GOPC: variants seen among roughly 807,000 people sequenced by gnomAD.
GOPC encodes Golgi-associated PDZ and coiled-coil motif-containing protein.
A neutral mutation model predicts 51.2 loss-of-function variants in GOPC; 32 were observed. That is an observed-to-expected ratio of 0.63 (90% CI 0.47 to 0.84). The LOEUF (loss-of-function observed/expected upper bound fraction) is 0.84. GOPC is among the 40% of genes least tolerant of loss of function. GOPC has a pLI of 0.00. For synonymous variants in GOPC, 190 were observed against 205.1 expected, an observed-to-expected ratio of 0.93 and a Z score of 0.63; for missense variants, 441 against 555.5, an observed-to-expected ratio of 0.79 and a Z score of 2.07.
rs1273934167 is a variant in GOPC, at chr6:117,560,894, T to A, written c.*2360A>T. On this transcript the variant is annotated 3_prime_UTR_variant, in exon 9 of 9. Transcript: ENST00000368498. Reference sequence around the variant, plus strand: ...CCTCCTTACTTGTTTGGTTTTGTCCTAGAAGTTTCAGGGACATATGAATTT... The same window carrying A: ...CCTCCTTACTTGTTTGGTTTTGTCCAAGAAGTTTCAGGGACATATGAATTT... The A allele has an allele frequency of 4.7e-6, 1 of 213,520 alleles. No homozygotes were observed. Among genetic ancestry groups the A allele is most frequent in the African/African-American group, 2.3e-5 (1 of 44,242 alleles). 13.2% of individuals were successfully genotyped at this position (213,520 alleles called of 1,614,324 possible).
intron 1 of GOPC, among the ~76,000 whole-genome samples, chr6:117,594,868 C>G: frequency 6.6e-6 from 1 of 152,204 alleles, no homozygotes; most frequent in East Asian, 1.9e-4. Context: ...AGGCAGAACA[C>G]TCTTTCAAGG....
intron 1 of GOPC, among the ~76,000 whole-genome samples, chr6:117,597,367 T>A (rs2114630799): frequency 6.6e-6 from 1 of 152,330 alleles, no homozygotes; most frequent in Non-Finnish European, 1.5e-5. Flanking sequence ...ACCATTTGGA[T>A]GTCCTTTATT....
chr6:117,583,247 G>T (rs1449787147), intron 1 of GOPC, among the ~76,000 whole-genome samples: 1 of 152,204 alleles, frequency 6.6e-6, no homozygotes, highest in African/African-American at 2.4e-5. Context: ...AGTTGAGCAG[G>T]GTGGGCTGAG....
intron 7 of GOPC, among the ~76,000 whole-genome samples, chr6:117,567,292 C>G (rs927913561): frequency 6.6e-6 from 1 of 152,040 alleles, no homozygotes; most frequent in South Asian, 2.1e-4. Flanking sequence ...GCTAATAGAT[C>G]TAAAATTTAA....
chr6:117,573,739 G>T, intron 4 of GOPC, 107 bp from the exon 5 acceptor site: 9 of 873,198 alleles, frequency 1.0e-5, no homozygotes, highest in Non-Finnish European at 1.6e-5. Context: ...TCAAATTAGT[G>T]ATAAAACTAA....
intron 4 of GOPC, among the ~76,000 whole-genome samples, chr6:117,574,851 T>C (rs1338633175): frequency 1.3e-5 from 2 of 152,032 alleles, no homozygotes; most frequent in Non-Finnish European, 2.9e-5. Context: ...GAGGCCAAGG[T>C]GGATGGATCA....
At chr6:117,590,230 G>A (rs1780096254) in intron 1 of GOPC, among the ~76,000 whole-genome samples, 2 of 152,156 alleles carry the variant, frequency 1.3e-5, no homozygotes, top group South Asian at 4.1e-4. Context: ...GGGACAAAAA[G>A]ATGAATAAGA....
At chr6:117,594,828 G>A (rs1377663768) in intron 1 of GOPC, among the ~76,000 whole-genome samples, 2 of 152,134 alleles carry the variant, frequency 1.3e-5, no homozygotes, top group Admixed American at 6.5e-5. Flanking sequence ...AAGGTGTATT[G>A]TTGTGCTGTT....
Position 117,560,723 on chromosome 6 carries a change from A to T in GOPC, c.*2531T>A, listed in dbSNP as rs911464992. The T allele has an allele frequency of 9.9e-6, 2 of 201,976 alleles. No homozygotes were observed. Among genetic ancestry groups the T allele is most frequent in the African/African-American group, 4.6e-5 (2 of 43,604 alleles). The allele number at this position is 201,976 out of a possible 1,614,324, so 12.5% of individuals were successfully genotyped here. On this transcript the variant is annotated 3_prime_UTR_variant, in exon 9 of 9. Transcript: ENST00000368498. ...CATAACAGAGATACTGTAGAAGAGAATTTTAGAGGTTAAGTGTAAATATAT... is the reference window on the plus strand; with the variant it reads ...CATAACAGAGATACTGTAGAAGAGATTTTTAGAGGTTAAGTGTAAATATAT...
chr6:117,579,849 A>G (rs1300215909), intron 1 of GOPC, among the ~76,000 whole-genome samples: 2 of 152,094 alleles, frequency 1.3e-5, no homozygotes, highest in South Asian at 2.1e-4. Context: ...AATGAGAAAA[A>G]AAATTGTAGA....
intron 8 of GOPC, among the ~76,000 whole-genome samples, chr6:117,566,050 T>C (rs537126786): frequency 1.3e-4 from 20 of 152,252 alleles, no homozygotes; most frequent in African/African-American, 4.3e-4. Context: ...TTAAGCAAAA[T>C]TGGTATCTTC....
chr6:117,579,536 AAG>A lies in GOPC; in HGVS notation c.286-474_286-473del, dbSNP rs1311191460. Among the ~76,000 whole-genome samples, 168 of 152,158 alleles carry A rather than the reference AAG, an allele frequency of 1.1e-3. 2 individuals are homozygous for A. The East Asian group carries it at 0.027, about 24-fold the overall frequency. On this transcript the variant is annotated intron_variant, in intron 1 of 8. Coordinates refer to ENST00000368498, the MANE Select transcript of GOPC (RefSeq NM_020399.4). ...AAATCATCCCAATCATTATCTAGTAAAGTTATTTTAGGTGCTAAGGTATCAAC... is the reference window on the plus strand; with the variant it reads ...AAATCATCCCAATCATTATCTAGTAATTATTTTAGGTGCTAAGGTATCAAC...
chr6:117,599,104 T>C, intron 1 of GOPC, among the ~76,000 whole-genome samples: 2 of 152,256 alleles, frequency 1.3e-5, no homozygotes, highest in Admixed American at 1.3e-4. Flanking sequence ...CAGCAAAATT[T>C]AATATTTTAA....
rs1245736374 is a variant in GOPC, at chr6:117,569,587, A to G, written c.1062T>C (p.Thr354=). ...LRDTKHKEAV[T]ILSQQRGEIE... is the part of the protein sequence containing the mutation. ...GGGAATTTACCTGCTGAGAAAGAATAGTTACAGCTTCTTTATGCTTTGTGT... is the reference window on the plus strand; with the variant it reads ...GGGAATTTACCTGCTGAGAAAGAATGGTTACAGCTTCTTTATGCTTTGTGT... The change falls in exon 7 of 9, where the codon ACT becomes ACC. Residue 354 remains threonine (T), a synonymous_variant. Coordinates refer to ENST00000368498, the MANE Select transcript of GOPC (RefSeq NM_020399.4). The G allele has an allele frequency of 6.2e-7, 1 of 1,613,016 alleles. No individual in the cohort carries two copies. The highest frequency in any genetic ancestry group is 1.1e-5 in the South Asian group (1 of 90,782).
In GOPC at chr6:117,566,872, C is replaced by G. The variant is rs1779707474; in HGVS notation, c.1240G>C (p.Glu414Gln). ...TTTTTACCTTGTAATACTTTGATTT[C>G]CCCACTTGTGTCTTTGCAACTAGCA... The part of the protein sequence containing the change: ...PGASCKDTSG[E>Q]IKVLQGFNKK... The change falls in exon 8 of 9, where the codon GAA becomes CAA. Residue 414 changes from glutamate (E) to glutamine (Q), a missense_variant. Physicochemically the swap from Glu to Gln is conservative, Grantham distance 29. Coordinates refer to ENST00000368498, the MANE Select transcript of GOPC (RefSeq NM_020399.4). 12 of 1,577,450 alleles carry G rather than the reference C, an allele frequency of 7.6e-6. No homozygotes were observed. Among genetic ancestry groups the G allele is most frequent in the Non-Finnish European group, 1.0e-5 (12 of 1,165,796 alleles).
intron 3 of GOPC, chr6:117,575,643 T>C (rs925624587): frequency 1.4e-5 from 7 of 518,348 alleles, no homozygotes; most frequent in Non-Finnish European, 2.5e-5. Flanking sequence ...CAATGGATAG[T>C]TGAATCTGCT....
At chr6:117,591,582 ATGAG>A (rs1459568037) in intron 1 of GOPC, among the ~76,000 whole-genome samples, 1 of 152,178 alleles carries the variant, frequency 6.6e-6, no homozygotes, top group Non-Finnish European at 1.5e-5. Flanking sequence ...GTCTTGAAAG[ATGAG>A]TGTGTGTTTG....
intron 1 of GOPC, among the ~76,000 whole-genome samples, chr6:117,589,185 A>C (rs1780078074): frequency 6.6e-6 from 1 of 152,258 alleles, no homozygotes; most frequent in Non-Finnish European, 1.5e-5. Flanking sequence ...CTTGAGATAG[A>C]GTAAGAGGAA....
At chr6:117,565,007 G>C (rs934424435) in intron 8 of GOPC, among the ~76,000 whole-genome samples, 1 of 152,108 alleles carries the variant, frequency 6.6e-6, no homozygotes, top group Admixed American at 6.6e-5. Context: ...AGGACTCCAA[G>C]AAGCTTCTGT....
Sources: allele counts gnomAD v4.1 joint callset (sites outside exome capture counted in the v4.1 genomes callset), GRCh38; gene constraint gnomAD v4.1.1; transcripts MANE v1.5; gene names NCBI Gene and HGNC (gene_info 2026-07-23, HGNC 2026-07-21).